The following TULP4 variants were observed in gnomAD, a reference collection of about 807,000 sequenced individuals.
The protein encoded by TULP4 is tubby-related protein 4.
In TULP4, 16 loss-of-function variants were observed where a neutral mutation model predicts 129.0. The ratio of observed to expected loss-of-function variants is 0.12; its 90% CI spans 0.08 to 0.19. TULP4 has a LOEUF of 0.19. Among genes scored for constraint, TULP4 ranks in the 10% least tolerant of loss-of-function variants. The pLI is 1.00. For synonymous variants in TULP4, 998 were observed against 854.0 expected (o/e 1.17, Z -2.94); for missense variants, 1,842 against 2,059.1 (o/e 0.89, Z 2.04).
chr6:158,478,921 G>A (rs1295081758), intron 6 of TULP4, among the ~76,000 whole-genome samples: 5 of 152,122 alleles, frequency 3.3e-5, no homozygotes, highest in African/African-American at 1.2e-4. Context: ...CTCCTCAATC[G>A]CCTTTCCAGG....
chr6:158,336,422 A>C (rs1256579375), intron 1 of TULP4, among the ~76,000 whole-genome samples: 1 of 146,066 alleles, frequency 6.8e-6, no homozygotes. Flanking sequence ...AGAAGGTTTA[A>C]AACTTTTTTT....
upstream of TULP4, chr6:158,310,383 C>G (rs931181686): frequency 6.9e-6 from 1 of 144,416 alleles, no homozygotes. Flanking sequence ...TGCAGTGGTG[C>G]GATCTTGGCT....
In TULP4 at chr6:158,493,370, T is replaced by C. The variant is rs1200584015; in HGVS notation, c.1632-203T>C. Among the ~76,000 whole-genome samples the C allele has an allele frequency of 6.6e-6, 1 of 152,208 alleles. No individual in the cohort carries two copies. The highest frequency in any genetic ancestry group is 1.5e-5 in the Non-Finnish European group (1 of 68,034). Reference sequence around the variant, plus strand: ...TCTCAATATATTTTAAAATGTATATTATTCAATGTAAAGTTGTCATTCTTT... The same window carrying C: ...TCTCAATATATTTTAAAATGTATATCATTCAATGTAAAGTTGTCATTCTTT... On this transcript the variant is annotated intron_variant, in intron 9 of 13. Transcript: ENST00000367097. This position sits in a 1 kb window ranked among gnomAD's most constrained non-coding sequence, Gnocchi z 4.4.
intron 9 of TULP4, among the ~76,000 whole-genome samples, chr6:158,492,889 G>T (rs906681042): frequency 1.3e-5 from 2 of 152,200 alleles, no homozygotes; most frequent in Admixed American, 6.5e-5. Flanking sequence ...GAGAAGCAGA[G>T]ATACAACATG....
chr6:158,345,733 C>T (rs566745222), intron 1 of TULP4, among the ~76,000 whole-genome samples: 5 of 152,256 alleles, frequency 3.3e-5, no homozygotes, highest in South Asian at 4.1e-4. Context: ...CAGCGGTGCA[C>T]GTATTGTCTT....
rs1306929920 is a variant in TULP4 at position 158,449,323 on chromosome 6, T to C, written c.724+147T>C. The C allele has an allele frequency of 2.3e-5, 18 of 769,270 alleles. No homozygotes were observed. In the Admixed American group the frequency reaches 5.0e-4, roughly 21 times the overall value. The allele number at this position is 769,270 out of a possible 1,614,324, so 47.7% of individuals were successfully genotyped here. On this transcript the variant is annotated intron_variant, in intron 4 of 13. Transcript: ENST00000367097. ...CCTGGGAAGAGTTATCAAGCTGAAA[T>C]GCAAGGTAGGGCTGGCCTCATCTAG...
At chr6:158,497,320 C>T (rs1386839607) in intron 11 of TULP4, among the ~76,000 whole-genome samples, 1 of 152,206 alleles carries the variant, frequency 6.6e-6, no homozygotes, top group Non-Finnish European at 1.5e-5. Flanking sequence ...CAGTATATGG[C>T]ACTCTAGTGA....
chr6:158,314,467 G>A (rs190218278), intron 1 of TULP4, among the ~76,000 whole-genome samples, 199 bp downstream of exon 1: 1 of 152,304 alleles, frequency 6.6e-6, no homozygotes, highest in East Asian at 1.9e-4. Context: ...GCCTCCCCAG[G>A]TGGGTCAGTT....
chr6:158,260,376 A>G (rs1283798317), intron 1 of TULP4, among the ~76,000 whole-genome samples: 3 of 152,114 alleles, frequency 2.0e-5, no homozygotes, highest in African/African-American at 4.8e-5. Context: ...GATGTTCATG[A>G]CCATCCTGGC....
At chr6:158,453,923 G>A (rs1439783579) in intron 5 of TULP4, among the ~76,000 whole-genome samples, 5 of 151,342 alleles carry the variant, frequency 3.3e-5, no homozygotes, top group African/African-American at 9.7e-5. Flanking sequence ...ACTGCATTCC[G>A]GCCTGGGCAA....
chr6:158,256,041 A>G (rs1417494591), intron 1 of TULP4, among the ~76,000 whole-genome samples: 1 of 152,202 alleles, frequency 6.6e-6, no homozygotes, highest in Non-Finnish European at 1.5e-5. Flanking sequence ...GGGCTATGGC[A>G]TGAATGCAGT....
In TULP4 at chr6:158,296,306, G is replaced by A. The variant is rs190365615; in HGVS notation, n.116+13928G>A. On this transcript the variant is annotated intron_variant and non_coding_transcript_variant, in intron 1 of 1. Coordinates refer to the TULP4 transcript ENST00000432358. ...GGGAACCCGCCCCCAATATTTCAAC[G>A]TAGGTTCTATTTTCCATAAGTGTCG... Among the ~76,000 whole-genome samples, 485 of 151,924 alleles carry A rather than the reference G, an allele frequency of 3.2e-3. 1 individual carries two copies. Among genetic ancestry groups the A allele is most frequent in the Middle Eastern group, 0.017 (5 of 294 alleles).
At position 158,413,001 on chromosome 6, in the gene TULP4, A is replaced by G; in HGVS notation, c.253-64A>G. 6.4e-7 allele frequency: 1 copy of G among 1,557,854 alleles called. No homozygotes were observed. The highest frequency in any genetic ancestry group is 1.2e-5 in the South Asian group (1 of 82,788). On this transcript the variant is annotated intron_variant, in intron 1 of 13. Transcript: ENST00000367097. The surrounding 1 kb of genome is among the most constrained non-coding windows in gnomAD (Gnocchi z 4.9). ...TAATTAGTTCAAGTCTGATCACATC[A>G]CAGAAATAATCCTGGCCCACAGATT... is the stretch of plus-strand genomic sequence containing the variant.
In TULP4 at chr6:158,511,381, T is replaced by A. The variant is rs1780736758; in HGVS notation, c.*4687T>A. 1 of 115,928 alleles carries A rather than the reference T, an allele frequency of 8.6e-6. No individual in the cohort carries two copies. The highest frequency in any genetic ancestry group is 1.7e-5 in the Non-Finnish European group (1 of 60,290). 7.2% of individuals were successfully genotyped at this position (115,928 alleles called of 1,614,324 possible). A position where few individuals can be genotyped will look rare whatever the true frequency, so the allele number is the denominator to read the frequency against. ...TCTGAGTTTATTACTACTGGCATTT[T>A]CTTTTTCCCTTTTTTTTTTTTTTAA... On this transcript the variant is annotated 3_prime_UTR_variant, in exon 14 of 14. Coordinates refer to ENST00000367097, the MANE Select transcript of TULP4 (RefSeq NM_020245.5).
At chr6:158,327,219 G>T (rs1779764518) in intron 1 of TULP4, among the ~76,000 whole-genome samples, 1 of 152,172 alleles carries the variant, frequency 6.6e-6, no homozygotes, top group Non-Finnish European at 1.5e-5. Context: ...TCCTTTATAT[G>T]TGACCTAAAA....
At chr6:158,356,674 G>T (rs541499620) in intron 1 of TULP4, among the ~76,000 whole-genome samples, 1 of 152,182 alleles carries the variant, frequency 6.6e-6, no homozygotes, top group Admixed American at 6.5e-5. Context: ...TACATTGAGG[G>T]GCTCTGGTAG....
In TULP4 at chr6:158,313,379, T is replaced by C. The variant is rs1779407800; in HGVS notation, c.-638T>C. On this transcript the variant is annotated 5_prime_UTR_variant, in exon 1 of 14. Coordinates refer to ENST00000367097, the MANE Select transcript of TULP4 (RefSeq NM_020245.5). Reference sequence around the variant, plus strand: ...ACTCTTGTCTGCACAAACTCTGGTCTGTTTTGCACGGTTTGTGTGCCTTTT... The same window carrying C: ...ACTCTTGTCTGCACAAACTCTGGTCCGTTTTGCACGGTTTGTGTGCCTTTT... 1 of 398,162 alleles carries C rather than the reference T, an allele frequency of 2.5e-6. No homozygotes were observed. The highest frequency in any genetic ancestry group is 2.1e-5 in the African/African-American group (1 of 48,634). The allele number at this position is 398,162 out of a possible 1,614,324, so 24.7% of individuals were successfully genotyped here.
At chr6:158,339,334 G>A (rs1780122508) in intron 1 of TULP4, among the ~76,000 whole-genome samples, 1 of 152,172 alleles carries the variant, frequency 6.6e-6, no homozygotes, top group Non-Finnish European at 1.5e-5. Context: ...AAGGCAGAAG[G>A]TCAGGGCGGG....
chr6:158,447,658 C>G (rs1001156927), intron 3 of TULP4, among the ~76,000 whole-genome samples: 4 of 152,174 alleles, frequency 2.6e-5, no homozygotes, highest in African/African-American at 9.7e-5. Flanking sequence ...TAGCTATGGA[C>G]TGTCTCTCCC....
Sources: allele counts gnomAD v4.1 joint callset (sites outside exome capture counted in the v4.1 genomes callset), GRCh38; gene constraint gnomAD v4.1.1; non-coding constraint Gnocchi (gnomAD v3.1); transcripts MANE v1.5; gene names NCBI Gene and HGNC (gene_info 2026-07-23, HGNC 2026-07-21).